The following SAMHD1 variants were observed in gnomAD, a reference collection of about 807,000 sequenced individuals.
SAMHD1 encodes SAM and HD domain containing deoxynucleoside triphosphate triphosphohydrolase 1.
In SAMHD1, 54 loss-of-function variants were observed where a neutral mutation model predicts 79.6. The observed-to-expected ratio is 0.68, with a 90% CI of 0.55 to 0.85. SAMHD1 has a LOEUF of 0.85. SAMHD1 is among the 40% of genes least tolerant of loss of function. The pLI, the probability that SAMHD1 is intolerant of heterozygous loss-of-function variation, is 0.00. For missense variants in SAMHD1, 663 were observed against 782.7 expected (o/e 0.85, Z 1.82); for synonymous variants, 260 against 264.1 (o/e 0.98, Z 0.15).
At chr20:36,922,040 T>G (rs1396199500) in intron 6 of SAMHD1, among the ~76,000 whole-genome samples, 1 of 152,074 alleles carries the variant, frequency 6.6e-6, no homozygotes, top group Non-Finnish European at 1.5e-5. Context: ...CTTGAATCCA[T>G]GAGGAAACAT....
At chr20:36,921,267 C>G (rs1160437181) in intron 6 of SAMHD1, among the ~76,000 whole-genome samples, 1 of 151,414 alleles carries the variant, frequency 6.6e-6, no homozygotes, top group South Asian at 2.1e-4. Context: ...GTGGCATGCA[C>G]CTGTAGTCCC....
intron 11 of SAMHD1, among the ~76,000 whole-genome samples, chr20:36,909,959 T>G (rs2063427422): frequency 1.3e-5 from 2 of 151,846 alleles, no homozygotes; most frequent in South Asian, 4.2e-4. Flanking sequence ...GGGCGGTGTC[T>G]CACGCCTGTA....
intron 3 of SAMHD1, among the ~76,000 whole-genome samples, chr20:36,938,745 C>G (rs1308724425): frequency 6.6e-6 from 1 of 151,730 alleles, no homozygotes; most frequent in Non-Finnish European, 1.5e-5. Context: ...CTGATTTAGG[C>G]TGAGGCAGGA....
intron 10 of SAMHD1, 200 bp from the exon 11 acceptor site, chr20:36,911,533 C>T (rs2063440537): frequency 1.8e-6 from 1 of 557,146 alleles, no homozygotes; most frequent in African/African-American, 1.9e-5. Context: ...GGCACTGTCG[C>T]AGGGCTTTGC....
At chr20:36,907,276 T>C (rs2063410430) in intron 11 of SAMHD1, among the ~76,000 whole-genome samples, 1 of 149,856 alleles carries the variant, frequency 6.7e-6, no homozygotes. Flanking sequence ...TTGTTTGTTT[T>C]TGAGACAGGG....
In SAMHD1 at chr20:36,935,123, G is replaced by A. The variant is rs766101778; in HGVS notation, c.415C>T (p.Pro139Ser). The change falls in exon 4 of 16, where the codon CCT becomes TCT. Residue 139 changes from proline (P) to serine (S), a missense_variant. Transcript: ENST00000646673. ...ATGTATCGAAGACGTTGAAATTGAG[G>A]TGTATCAATGATTCGGACGAGGAGA... ...HPLLVRIIDT[P>S]QFQRLRYIKQ... 6.2e-7 allele frequency: 1 copy of A among 1,613,670 alleles called. No individual in the cohort carries two copies. Among genetic ancestry groups the A allele is most frequent in the Admixed American group, 1.7e-5 (1 of 60,010 alleles).
Position 36,916,628 on chromosome 20 carries a change from C to T in SAMHD1, c.1062+94G>A, listed in dbSNP as rs1601129910. On this transcript the variant is annotated intron_variant, in intron 9 of 15. Transcript: ENST00000646673. ...CCTAGGAATTAAGTAAAGAGACTGA[C>T]GATTTACCAATTATTCCAAATTGTT... 20 of 889,932 alleles carry T rather than the reference C, an allele frequency of 2.2e-5. No homozygotes were observed. In the East Asian group the frequency reaches 2.4e-4, roughly 11 times the overall value. 55.1% of individuals were successfully genotyped at this position (889,932 alleles called of 1,614,324 possible).
intron 7 of SAMHD1, 178 bp from the exon 8 acceptor site, chr20:36,917,227 G>A (rs1220462117): frequency 1.6e-6 from 1 of 623,164 alleles, no homozygotes; most frequent in Non-Finnish European, 2.9e-6. Context: ...TAGTAGAAAG[G>A]GAAAAGAAAT....
At chr20:36,930,365 G>A (rs1844634667) in intron 5 of SAMHD1, among the ~76,000 whole-genome samples, 1 of 151,678 alleles carries the variant, frequency 6.6e-6, no homozygotes, top group Non-Finnish European at 1.5e-5. Context: ...ATATGGTGGT[G>A]CATGCCTGTA....
At chr20:36,912,052 T>C (rs1445207407) in intron 10 of SAMHD1, 2 of 234,322 alleles carry the variant, frequency 8.5e-6, no homozygotes, top group Non-Finnish European at 1.7e-5. Context: ...AGGATACAAA[T>C]AGACATTAAT....
At chr20:36,927,544 C>T (rs529418876) in intron 5 of SAMHD1, among the ~76,000 whole-genome samples, 14 of 151,870 alleles carry the variant, frequency 9.2e-5, no homozygotes, top group Admixed American at 7.9e-4. Flanking sequence ...CTCGAACTCC[C>T]GACCTCAGGT....
At position 36,891,639 on chromosome 20, in the gene SAMHD1, G is replaced by A. The variant is rs1236857654; in HGVS notation, c.*1293C>T. ...TGGGAAAACGAAGTTACCTAGCGGA[G>A]CCTGGAGCCCACTGGGTGGTCACTA... On this transcript the variant is annotated 3_prime_UTR_variant, in exon 16 of 16. Coordinates refer to ENST00000646673, the MANE Select transcript of SAMHD1 (RefSeq NM_015474.4). 6.6e-6 allele frequency: 1 copy of A among 152,282 alleles called. No homozygotes were observed. The highest frequency in any genetic ancestry group is 1.5e-5 in the Non-Finnish European group (1 of 68,092). The allele number at this position is 152,282 out of a possible 1,614,324, so 9.4% of individuals were successfully genotyped here. A position where few individuals can be genotyped will look rare whatever the true frequency, so the allele number is the denominator to read the frequency against.
intron 9 of SAMHD1, 181 bp downstream of exon 9, chr20:36,916,541 T>A: frequency 3.5e-6 from 2 of 577,132 alleles, no homozygotes; most frequent in South Asian, 4.0e-5. Flanking sequence ...TAAATGTCCA[T>A]GTTAATTTTA....
chr20:36,901,630 G>C lies in SAMHD1; in HGVS notation c.1503+2527C>G, dbSNP rs558674837. On this transcript the variant is annotated intron_variant, in intron 13 of 15. Transcript: ENST00000646673. ...ACATGTCTGTAGTCCTAGCTACTCA[G>C]GAGGCTGAGGTGGGAGGATCACTTG... Among the ~76,000 whole-genome samples, 285 of 152,104 alleles carry C rather than the reference G, an allele frequency of 1.9e-3. 1 individual carries two copies. The highest frequency in any genetic ancestry group is 6.4e-3 in the African/African-American group (265 of 41,494).
intron 7 of SAMHD1, 137 bp from the exon 8 acceptor site, chr20:36,917,186 ATTCT>A (rs1435908220): frequency 1.5e-6 from 1 of 674,234 alleles, no homozygotes; most frequent in Non-Finnish European, 2.7e-6. Context: ...AGAAGGTTCT[ATTCT>A]TTCTTTCTTC....
chr20:36,935,066 G>A lies in SAMHD1; in HGVS notation c.472C>T (p.Pro158Ser), dbSNP rs753484251. The part of the protein sequence containing the change: ...KQLGGGYYVF[P>S]GASHNRFEHS... ...TCAAATCGATTGTGTGAAGCTCCTGGAAAAACATAGTAACCACCTCCCAGC... is the reference window on the plus strand; with the variant it reads ...TCAAATCGATTGTGTGAAGCTCCTGAAAAAACATAGTAACCACCTCCCAGC... The change falls in exon 4 of 16, where the codon CCA becomes TCA. Residue 158 changes from proline to serine, a missense_variant. Physicochemically the swap from Pro to Ser is moderately conservative, Grantham distance 74 (BLOSUM62 -1). Transcript: ENST00000646673. The A allele has an allele frequency of 6.2e-7, 1 of 1,614,080 alleles. No individual in the cohort carries two copies. Among genetic ancestry groups the A allele is most frequent in the Non-Finnish European group, 8.5e-7 (1 of 1,180,018 alleles).
chr20:36,917,420 G>C (rs370523941), intron 7 of SAMHD1, among the ~76,000 whole-genome samples: 1 of 152,278 alleles, frequency 6.6e-6, no homozygotes, highest in East Asian at 1.9e-4. Flanking sequence ...TTGGGAGGCC[G>C]AGGAGGGCGG....
At chr20:36,928,610 G>C (rs567559677) in intron 5 of SAMHD1, among the ~76,000 whole-genome samples, 3 of 151,798 alleles carry the variant, frequency 2.0e-5, no homozygotes, top group East Asian at 3.9e-4. Context: ...GCTTGAACCC[G>C]GGAGGCGGAG....
In SAMHD1 at chr20:36,892,851, T is replaced by C; in HGVS notation, c.*81A>G. The C allele has an allele frequency of 6.4e-7, 1 of 1,557,532 alleles. No individual in the cohort carries two copies. The highest frequency in any genetic ancestry group is 2.2e-5 in the East Asian group (1 of 44,596). ...TACAAAATTAAAGCATGAGTTGTCA[T>C]TAATTTGCAGAATTCTATGATTGAA... is the stretch of plus-strand genomic sequence containing the variant. On this transcript the variant is annotated 3_prime_UTR_variant, in exon 16 of 16. Transcript: ENST00000646673.
Sources: gnomAD v4.1 joint callset for allele counts (sites outside exome capture counted in the v4.1 genomes callset) on GRCh38, gnomAD v4.1.1 for gene constraint, MANE v1.5 for transcripts, NCBI Gene and HGNC (gene_info 2026-07-23, HGNC 2026-07-21) for gene names.